Variants in FAM135B observed in about 807,000 individuals in gnomAD.
FAM135B encodes protein FAM135B.
In FAM135B, 43 loss-of-function variants were observed where a neutral mutation model predicts 127.7. The observed-to-expected ratio is 0.34, with a 90% CI of 0.26 to 0.43. The LOEUF is 0.43. Ranked by LOEUF, FAM135B falls within the 20% of genes least tolerant of loss-of-function variation. The probability of loss-of-function intolerance (pLI) is 1.00; values close to 1 mark genes in which losing one functional copy is unlikely to be tolerated. For missense variants in FAM135B, 1,558 were observed against 1,725.6 expected, an observed-to-expected ratio of 0.90 and a Z score of 1.72; for synonymous variants, 670 against 665.1, an observed-to-expected ratio of 1.01 and a Z score of -0.11.
chr8:138,191,867 G>T (rs765304942), intron 9 of FAM135B, among the ~76,000 whole-genome samples: 3 of 152,150 alleles, frequency 2.0e-5, no homozygotes, highest in Non-Finnish European at 2.9e-5. Context: ...CACCAGACAT[G>T]ATGGTTTGCA....
In FAM135B at chr8:138,148,515, C is replaced by G. The variant is rs2130687322; in HGVS notation, c.3448+5G>C. ...TTTGGGAAGAAAACTTGTTTTAGAA[C>G]TCACCATCCAGGCCATGGACACAGA... On this transcript the variant is annotated splice_donor_5th_base_variant and intron_variant, in intron 14 of 19. Coordinates refer to ENST00000395297, the MANE Select transcript of FAM135B (RefSeq NM_015912.4). 6.2e-7 allele frequency: 1 copy of G among 1,612,750 alleles called. No individual in the cohort carries two copies. The highest frequency in any genetic ancestry group is 8.5e-7 in the Non-Finnish European group (1 of 1,179,458).
intron 1 of FAM135B, among the ~76,000 whole-genome samples, chr8:138,370,305 A>G (rs1319551053): frequency 1.3e-5 from 2 of 152,168 alleles, no homozygotes; most frequent in African/African-American, 4.8e-5. Flanking sequence ...TGAATGGGAT[A>G]GAGTTTTGGA....
chr8:138,367,496 A>G, intron 2 of FAM135B: 1 of 456,192 alleles, frequency 2.2e-6, no homozygotes, highest in South Asian at 1.6e-5. Context: ...AGATCTAGGC[A>G]CAAGTGTTAC....
At chr8:138,264,989 G>A (rs375069502) in intron 4 of FAM135B, among the ~76,000 whole-genome samples, 2 of 152,222 alleles carry the variant, frequency 1.3e-5, no homozygotes, top group East Asian at 1.9e-4. Flanking sequence ...GGGGGAGGCA[G>A]ATCAAAAGTT....
At chr8:138,287,860 T>C (rs1412692933) in intron 3 of FAM135B, among the ~76,000 whole-genome samples, 1 of 152,208 alleles carries the variant, frequency 6.6e-6, no homozygotes, top group Admixed American at 6.5e-5. Flanking sequence ...CGTTACCTAT[T>C]AGTCACTGAC....
At chr8:138,389,805 T>G (rs1184955963) in intron 1 of FAM135B, among the ~76,000 whole-genome samples, 1 of 152,182 alleles carries the variant, frequency 6.6e-6, no homozygotes. Context: ...TGGATCCAAT[T>G]GTGTTTGTGT....
intron 7 of FAM135B, among the ~76,000 whole-genome samples, chr8:138,210,190 C>CAGCG (rs530054115): frequency 3.9e-4 from 60 of 152,306 alleles, no homozygotes; most frequent in African/African-American, 1.4e-3. Flanking sequence ...TTGAAAGTTA[C>CAGCG]AGCGGTTCAC....
At chr8:138,153,301 G>T (rs557175821) in intron 12 of FAM135B, 85 bp from the exon 13 acceptor site, 3 of 1,177,064 alleles carry the variant, frequency 2.5e-6, no homozygotes, top group South Asian at 1.8e-5. Flanking sequence ...GTATAATAAA[G>T]AATTTAGCTA....
At chr8:138,415,480 G>C (rs1285562090) in intron 1 of FAM135B, among the ~76,000 whole-genome samples, 2 of 152,064 alleles carry the variant, frequency 1.3e-5, no homozygotes, top group Admixed American at 1.3e-4. Context: ...AACTTTCCAG[G>C]CCAGCTCTCT....
intron 1 of FAM135B, among the ~76,000 whole-genome samples, chr8:138,377,202 T>A (rs564534499): frequency 6.6e-6 from 1 of 152,344 alleles, no homozygotes; most frequent in Non-Finnish European, 1.5e-5. Flanking sequence ...TTGATCTAAC[T>A]ATATATCAGC....
At chr8:138,487,007 G>A (rs927866418) in intron 1 of FAM135B, among the ~76,000 whole-genome samples, 25 of 151,690 alleles carry the variant, frequency 1.6e-4, no homozygotes, top group South Asian at 1.0e-3. Context: ...GGGTACATGT[G>A]CACAACGTGC....
chr8:138,257,361 T>G (rs1391080112), intron 4 of FAM135B, among the ~76,000 whole-genome samples: 1 of 152,166 alleles, frequency 6.6e-6, no homozygotes, highest in Non-Finnish European at 1.5e-5. Context: ...TTTAAGACAC[T>G]GGCATTTTAT....
chr8:138,324,345 T>G (rs1176271843), intron 2 of FAM135B, among the ~76,000 whole-genome samples: 1 of 152,212 alleles, frequency 6.6e-6, no homozygotes, highest in Non-Finnish European at 1.5e-5. Flanking sequence ...CAATTTCTTT[T>G]AAATAATTGA....
intron 4 of FAM135B, 92 bp from the exon 5 acceptor site, chr8:138,256,851 C>A (rs1441830861): frequency 2.2e-6 from 2 of 910,612 alleles, no homozygotes; most frequent in African/African-American, 1.7e-5. Flanking sequence ...TAGAGAAACA[C>A]TATCTTGTCC....
chr8:138,179,806 A>G (rs959757457), intron 9 of FAM135B, among the ~76,000 whole-genome samples: 2 of 151,872 alleles, frequency 1.3e-5, no homozygotes, highest in Non-Finnish European at 2.9e-5. Flanking sequence ...CAATCCTCCA[A>G]TCTCAACCTC....
At chr8:138,490,640 G>GAGTTCATC (rs1815156995) in intron 1 of FAM135B, among the ~76,000 whole-genome samples, 1 of 152,114 alleles carries the variant, frequency 6.6e-6, no homozygotes, top group Non-Finnish European at 1.5e-5. Flanking sequence ...CATATGCAAA[G>GAGTTCATC]AGTTCATCCC....
intron 1 of FAM135B, among the ~76,000 whole-genome samples, chr8:138,410,725 A>G (rs1314967466): frequency 6.6e-6 from 1 of 152,206 alleles, no homozygotes; most frequent in Non-Finnish European, 1.5e-5. Context: ...AAGCGGTTGG[A>G]GATTTCCCAA....
intron 2 of FAM135B, among the ~76,000 whole-genome samples, chr8:138,328,463 A>T (rs1412283246): frequency 1.3e-5 from 2 of 152,186 alleles, no homozygotes; most frequent in Non-Finnish European, 2.9e-5. Context: ...ATAATGGAAC[A>T]CTAGGCATAA....
chr8:138,153,100 C>G lies in FAM135B; in HGVS notation c.1375G>C (p.Asp459His), dbSNP rs769407532. Residue 459 changes from aspartate (D) to histidine (H), a missense_variant, in exon 13 of 20, where the codon GAC becomes CAC. Asp to His is a moderately conservative substitution (Grantham distance 81, BLOSUM62 -1). This residue lies in a region of FAM135B where 923 missense variants were observed against 865.3 expected (regional missense o/e 1.07). Transcript: ENST00000395297. ...MVNSNLSFRE[D>H]LVLSTIKPSQ... ...GGTTTTATGGTAGACAAGACAAGGT[C>G]TTCCCTAAAAGATAAATTGCTATTT... 1 of 1,614,068 alleles carries G rather than the reference C, an allele frequency of 6.2e-7. No homozygotes were observed. Among genetic ancestry groups the G allele is most frequent in the South Asian group, 1.1e-5 (1 of 91,072 alleles).
Sources: allele counts gnomAD v4.1 joint callset (sites outside exome capture counted in the v4.1 genomes callset), GRCh38; gene constraint gnomAD v4.1.1; regional missense constraint gnomAD v4.1.1; transcripts MANE v1.5; gene names NCBI Gene and HGNC (gene_info 2026-07-23, HGNC 2026-07-21).